LINGO2: variants seen among roughly 807,000 people sequenced by gnomAD.
LINGO2 encodes leucine rich repeat and Ig domain containing 2, also known as leucine-rich repeat and immunoglobulin-like domain-containing nogo receptor-interacting protein 2.
A neutral mutation model predicts 30.6 loss-of-function variants in LINGO2; 14 were observed. The observed-to-expected ratio is 0.46, with a 90% CI of 0.30 to 0.72. LINGO2 has a LOEUF of 0.72. LINGO2 is among the 30% of genes least tolerant of loss of function. The probability of loss-of-function intolerance (pLI) is 0.07; values close to 1 mark genes in which losing one functional copy is unlikely to be tolerated. For missense variants in LINGO2, 729 were observed against 751.7 expected, an observed-to-expected ratio of 0.97 and a Z score of 0.35; for synonymous variants, 317 against 288.5, an observed-to-expected ratio of 1.10 and a Z score of -1.00.
At chr9:28,802,913 T>C in the LINGO2 span, among the ~76,000 whole-genome samples, 4 of 152,032 alleles carry the variant, frequency 2.6e-5, no homozygotes, top group African/African-American at 7.2e-5. Flanking sequence ...TATTGTCACC[T>C]TGTCCTCATG....
chr9:28,487,937 CAAACA>C (rs1475216351), intron 1 of LINGO2, among the ~76,000 whole-genome samples: 5 of 152,066 alleles, frequency 3.3e-5, no homozygotes, highest in Non-Finnish European at 5.9e-5. Flanking sequence ...GATCAAAAGC[CAAACA>C]AAACAAGAGA....
At chr9:28,725,942 T>G in the LINGO2 span, among the ~76,000 whole-genome samples, 1 of 152,148 alleles carries the variant, frequency 6.6e-6, no homozygotes, top group Non-Finnish European at 1.5e-5. Context: ...TTTTGTTTGT[T>G]GTTTTGGAAA....
At chr9:28,910,008 C>T in the LINGO2 span, among the ~76,000 whole-genome samples, 2 of 151,996 alleles carry the variant, frequency 1.3e-5, no homozygotes, top group African/African-American at 4.8e-5. Flanking sequence ...CACAAATATT[C>T]TTAAGCAAAG....
At chr9:29,021,636 A>G in the LINGO2 span, among the ~76,000 whole-genome samples, 8 of 150,946 alleles carry the variant, frequency 5.3e-5, no homozygotes, top group African/African-American at 1.9e-4. Context: ...CAGCCTGGGC[A>G]ACAGTGTGAG....
chr9:28,711,448 C>T, the LINGO2 span, among the ~76,000 whole-genome samples: 2 of 152,128 alleles, frequency 1.3e-5, no homozygotes, highest in Non-Finnish European at 2.9e-5. Flanking sequence ...ATGGCAAGTA[C>T]TCAGTATTCC....
chr9:29,018,157 T>A, the LINGO2 span, among the ~76,000 whole-genome samples: 1 of 149,294 alleles, frequency 6.7e-6, no homozygotes, highest in African/African-American at 2.4e-5. Flanking sequence ...GCAGTTGGAG[T>A]TCATAATCCT....
Position 28,234,526 on chromosome 9 carries a change from G to C in LINGO2, c.-87+60682C>G, listed in dbSNP as rs72709311. Among the ~76,000 whole-genome samples, 734 of 152,278 alleles carry C rather than the reference G, an allele frequency of 4.8e-3. 11 individuals are homozygous for C. In the South Asian group the frequency reaches 0.065, roughly 13 times the overall value. On this transcript the variant is annotated intron_variant, in intron 4 of 5. Transcript: ENST00000379992. ...GAGGCAGACCCACTCTCAATCTATG[G>C]GACACCAGTTCATCAGCTACCAGCA... is the stretch of plus-strand genomic sequence containing the variant.
chr9:28,899,739 T>C, the LINGO2 span, among the ~76,000 whole-genome samples: 1 of 152,182 alleles, frequency 6.6e-6, no homozygotes, highest in Non-Finnish European at 1.5e-5. Flanking sequence ...GCCTGCCTAG[T>C]GCCAGGCTAG....
At chr9:28,776,866 T>TA in the LINGO2 span, among the ~76,000 whole-genome samples, 1 of 152,006 alleles carries the variant, frequency 6.6e-6, no homozygotes, top group East Asian at 1.9e-4. Flanking sequence ...AGACAGAAGT[T>TA]ACTCCATAAT....
At position 28,105,772 on chromosome 9, in the gene LINGO2, C is replaced by T. The variant is rs115228363; in HGVS notation, c.-86-93367G>A. ...CCCACACACATGCACTGAAGAAAGG[C>T]CACGTGAGGACACAGAGAGAAGGTG... On this transcript the variant is annotated intron_variant, in intron 4 of 5. Transcript: ENST00000379992. 7.4e-3 allele frequency among the ~76,000 whole-genome samples: 1,120 copies of T among 152,110 alleles called. 9 individuals carry two copies. Among genetic ancestry groups the T allele is most frequent in the African/African-American group, 0.026 (1,060 of 41,498 alleles).
chr9:28,850,228 C>T, the LINGO2 span, among the ~76,000 whole-genome samples: 18 of 151,956 alleles, frequency 1.2e-4, no homozygotes, highest in South Asian at 1.0e-3. Context: ...ATAATTTCAG[C>T]AATTAAAAGA....
intron 4 of LINGO2, among the ~76,000 whole-genome samples, chr9:28,167,972 T>C (rs1232164778): frequency 6.6e-6 from 1 of 152,220 alleles, no homozygotes; most frequent in Non-Finnish European, 1.5e-5. Flanking sequence ...TCAGCCCTTT[T>C]TTGGTAACCA....
At chr9:28,882,073 T>C in the LINGO2 span, among the ~76,000 whole-genome samples, 19 of 152,352 alleles carry the variant, frequency 1.2e-4, no homozygotes, top group Admixed American at 3.9e-4. Flanking sequence ...ATGGTCATAA[T>C]AATCACAATA....
At chr9:28,184,490 T>TA (rs1450009346) in intron 4 of LINGO2, among the ~76,000 whole-genome samples, 1 of 150,612 alleles carries the variant, frequency 6.6e-6, no homozygotes, top group African/African-American at 2.4e-5. Context: ...AGGTTCGACT[T>TA]AAAAAATCCT....
chr9:28,459,599 T>G (rs1415232378), intron 2 of LINGO2, among the ~76,000 whole-genome samples: 1 of 151,978 alleles, frequency 6.6e-6, no homozygotes, highest in African/African-American at 2.4e-5. Flanking sequence ...GGATCTAGGG[T>G]CCCATGTAGA....
chr9:28,939,224 G>A, the LINGO2 span, among the ~76,000 whole-genome samples: 53 of 152,158 alleles, frequency 3.5e-4, no homozygotes, highest in Middle Eastern at 3.4e-3. Context: ...GTGAAAAAGT[G>A]ACAACGAAGA....
intron 4 of LINGO2, among the ~76,000 whole-genome samples, chr9:28,079,508 C>T (rs1250798505): frequency 6.6e-6 from 1 of 152,188 alleles, no homozygotes; most frequent in African/African-American, 2.4e-5. Flanking sequence ...AGCTTATGCT[C>T]TCTGTCCCCT....
intron 4 of LINGO2, among the ~76,000 whole-genome samples, chr9:28,212,935 G>A (rs1322357520): frequency 1.3e-5 from 2 of 151,410 alleles, no homozygotes; most frequent in Non-Finnish European, 3.0e-5. Context: ...AGTAGAGAAA[G>A]CACTTACTTT....
intron 2 of LINGO2, among the ~76,000 whole-genome samples, chr9:28,381,906 T>C (rs1175044731): frequency 6.6e-6 from 1 of 152,146 alleles, no homozygotes; most frequent in Non-Finnish European, 1.5e-5. Context: ...TCAGTTTTTT[T>C]CTTTTTCTTT....
Sources: allele counts gnomAD v4.1 joint callset (sites outside exome capture counted in the v4.1 genomes callset), GRCh38; gene constraint gnomAD v4.1.1; transcripts MANE v1.5; gene names NCBI Gene and HGNC (gene_info 2026-07-23, HGNC 2026-07-21).